ATP8B4: variants seen among roughly 807,000 people sequenced by gnomAD.
The protein encoded by ATP8B4 is ATPase phospholipid transporting 8B4 (putative).
Under a neutral mutation model 145.6 loss-of-function variants are expected in ATP8B4, and 133 were observed. The ratio of observed to expected loss-of-function variants is 0.91; its 90% confidence interval spans 0.79 to 1.05. ATP8B4 has a LOEUF of 1.05. ATP8B4 is among the 50% of genes least tolerant of loss of function. The pLI is 0.00. For synonymous variants in ATP8B4, 507 were observed against 492.9 expected, an observed-to-expected ratio of 1.03 and a Z score of -0.38; for missense variants, 1,458 against 1,425.2, an observed-to-expected ratio of 1.02 and a Z score of -0.37.
At chr15:49,987,666 A>G (rs1171589697) in intron 9 of ATP8B4, 117 bp from the exon 10 acceptor site, 2 of 1,064,448 alleles carry the variant, frequency 1.9e-6, no homozygotes, top group Non-Finnish European at 2.6e-6. Context: ...GGGGTTACAT[A>G]TAAAGAATTG....
chr15:50,055,147 C>T (rs1423922136), intron 3 of ATP8B4, among the ~76,000 whole-genome samples: 3 of 152,150 alleles, frequency 2.0e-5, no homozygotes, highest in Non-Finnish European at 4.4e-5. Context: ...CAACTTGGGG[C>T]TATGAGTGGG....
chr15:50,140,940 G>C (rs1273615612), intron 1 of ATP8B4, among the ~76,000 whole-genome samples: 1 of 152,116 alleles, frequency 6.6e-6, no homozygotes, highest in Non-Finnish European at 1.5e-5. Flanking sequence ...TACAAATACT[G>C]ATCTCTCTAA....
At chr15:50,124,510 T>C (rs2057294659) in intron 1 of ATP8B4, among the ~76,000 whole-genome samples, 1 of 152,148 alleles carries the variant, frequency 6.6e-6, no homozygotes, top group Non-Finnish European at 1.5e-5. Context: ...GATTTAGAAG[T>C]AGAGGACTTT....
At chr15:50,057,263 T>C (rs945295789) in intron 3 of ATP8B4, among the ~76,000 whole-genome samples, 1 of 152,194 alleles carries the variant, frequency 6.6e-6, no homozygotes, top group Admixed American at 6.5e-5. Context: ...CTGAACACTA[T>C]ATCATCTCAG....
intron 14 of ATP8B4, among the ~76,000 whole-genome samples, chr15:49,946,105 A>AT (rs2042542666): frequency 6.6e-6 from 1 of 152,194 alleles, no homozygotes; most frequent in South Asian, 2.1e-4. Context: ...TAGGTGCACC[A>AT]TTTTTTAAAA....
intron 8 of ATP8B4, among the ~76,000 whole-genome samples, chr15:50,001,273 T>C (rs552771149): frequency 6.6e-6 from 1 of 152,294 alleles, no homozygotes; most frequent in Non-Finnish European, 1.5e-5. Flanking sequence ...TATTTGAGAA[T>C]TTTTCTCTTT....
At chr15:50,113,150 G>A (rs2057032091) in intron 1 of ATP8B4, 1 of 152,314 alleles carries the variant, frequency 6.6e-6, no homozygotes, top group South Asian at 2.1e-4. Flanking sequence ...ATGTAGGGGT[G>A]ACCTTGCTGT....
chr15:49,899,040 G>C (rs891570918), intron 21 of ATP8B4, among the ~76,000 whole-genome samples: 4 of 152,082 alleles, frequency 2.6e-5, no homozygotes, highest in African/African-American at 9.7e-5. Flanking sequence ...CAGTATCTTT[G>C]AGTGAATCTT....
At chr15:50,008,440 G>T (rs1263472220) in intron 7 of ATP8B4, among the ~76,000 whole-genome samples, 1 of 152,044 alleles carries the variant, frequency 6.6e-6, no homozygotes, top group Non-Finnish European at 1.5e-5. Flanking sequence ...ACCATAAAAG[G>T]CCACATCCGT....
intron 2 of ATP8B4, among the ~76,000 whole-genome samples, chr15:50,080,286 T>G (rs1600239063): frequency 1.3e-5 from 2 of 152,324 alleles, no homozygotes; most frequent in African/African-American, 2.4e-5. Flanking sequence ...TAAATGAGAA[T>G]ACCTCATTTA....
At chr15:50,007,752 T>A (rs1033101018) in intron 7 of ATP8B4, among the ~76,000 whole-genome samples, 1 of 152,090 alleles carries the variant, frequency 6.6e-6, no homozygotes, top group African/African-American at 2.4e-5. Flanking sequence ...TGCCAGCTGA[T>A]ACCAGAGTGC....
At chr15:49,940,926 C>T (rs771719325) in intron 14 of ATP8B4, among the ~76,000 whole-genome samples, 8 of 151,984 alleles carry the variant, frequency 5.3e-5, no homozygotes. Flanking sequence ...AGAATTCACC[C>T]TCGAGAGACA....
At chr15:49,979,423 C>G (rs949756414) in intron 12 of ATP8B4, among the ~76,000 whole-genome samples, 194 bp downstream of exon 12, 1 of 152,010 alleles carries the variant, frequency 6.6e-6, no homozygotes, top group Non-Finnish European at 1.5e-5. Context: ...GAAAATTAAC[C>G]GCATTTATTG....
At chr15:49,950,416 A>G (rs2042959361) in intron 14 of ATP8B4, among the ~76,000 whole-genome samples, 2 of 151,868 alleles carry the variant, frequency 1.3e-5, no homozygotes, top group South Asian at 4.2e-4. Flanking sequence ...GAATTTATCC[A>G]TTTCTTCTAG....
intron 8 of ATP8B4, among the ~76,000 whole-genome samples, chr15:49,997,976 A>G (rs1320582659): frequency 2.0e-5 from 3 of 152,102 alleles, no homozygotes; most frequent in African/African-American, 7.2e-5. Context: ...AGAGTGAGAA[A>G]AGTGGTATAG....
At chr15:49,875,539 G>A (rs1445715696) in intron 25 of ATP8B4, among the ~76,000 whole-genome samples, 4 of 152,180 alleles carry the variant, frequency 2.6e-5, no homozygotes, top group Non-Finnish European at 5.9e-5. Context: ...TAGTAATAGA[G>A]GAAAAGTTTT....
chr15:50,013,225 C>T (rs916218491), intron 6 of ATP8B4, among the ~76,000 whole-genome samples: 3 of 152,020 alleles, frequency 2.0e-5, no homozygotes, highest in African/African-American at 7.2e-5. Context: ...CAACTTGAAA[C>T]ATGAAAGCAG....
intron 14 of ATP8B4, among the ~76,000 whole-genome samples, chr15:49,947,149 GA>G (rs748908736): frequency 8.4e-4 from 128 of 152,258 alleles, no homozygotes; most frequent in Non-Finnish European, 1.4e-3. Flanking sequence ...AAACATTGAT[GA>G]GGCCGGGTGC....
In ATP8B4 at chr15:49,916,952, T is replaced by C; in HGVS notation, c.2123A>G (p.Glu708Gly). Residue 708 changes from glutamate (E) to glycine (G), a missense_variant, in exon 20 of 28, where the codon GAA becomes GGA. Coordinates refer to ENST00000284509, the MANE Select transcript of ATP8B4 (RefSeq NM_024837.4). ...CACCTACCTGAGTTCTTCTCTCACTTCCACAGCATTATTCCCTGCTATCAC... is the reference window on the plus strand; with the variant it reads ...CACCTACCTGAGTTCTTCTCTCACTCCCACAGCATTATTCCCTGCTATCAC... The part of the protein sequence containing the change: ...VFVIAGNNAV[E>G]VREELRKAKQ... The C allele has an allele frequency of 1.2e-6, 2 of 1,613,774 alleles. No homozygotes were observed. The highest frequency in any genetic ancestry group is 1.7e-6 in the Non-Finnish European group (2 of 1,179,800).
Sources: gnomAD v4.1 joint callset for allele counts (sites outside exome capture counted in the v4.1 genomes callset) on GRCh38, gnomAD v4.1.1 for gene constraint, MANE v1.5 for transcripts, NCBI Gene and HGNC (gene_info 2026-07-23, HGNC 2026-07-21) for gene names.